Variants in CDYL observed in about 807,000 individuals in gnomAD.
The protein encoded by CDYL is chromodomain Y-like protein.
Under a neutral mutation model 47.3 loss-of-function variants are expected in CDYL, and 8 were observed. The ratio of observed to expected loss-of-function variants is 0.17; its 90% CI spans 0.10 to 0.31. The LOEUF (loss-of-function observed/expected upper bound fraction) is 0.31, where lower values mean the gene tolerates loss of function less well. CDYL is among the 10% of genes least tolerant of loss of function. CDYL has a pLI of 1.00. For synonymous variants in CDYL, 266 were observed against 265.0 expected, an observed-to-expected ratio of 1.00 and a Z score of -0.04; for missense variants, 471 against 701.4, an observed-to-expected ratio of 0.67 and a Z score of 3.71.
intron 1 of CDYL, among the ~76,000 whole-genome samples, chr6:4,785,618 T>C (rs1316973043): frequency 6.6e-6 from 1 of 152,216 alleles, no homozygotes; most frequent in Non-Finnish European, 1.5e-5. Context: ...GTAACTAATG[T>C]GGATATCCCA....
At chr6:4,792,049 ATT>A (rs768229405) in intron 1 of CDYL, among the ~76,000 whole-genome samples, 15 of 137,616 alleles carry the variant, frequency 1.1e-4, no homozygotes, top group Non-Finnish European at 1.4e-4. Context: ...CGCCCGGCTA[ATT>A]TTTTTTTTTT....
intron 1 of CDYL, among the ~76,000 whole-genome samples, chr6:4,794,267 G>A (rs1759009196): frequency 6.6e-6 from 1 of 152,094 alleles, no homozygotes; most frequent in South Asian, 2.1e-4. Flanking sequence ...GAGAGATAGT[G>A]GTGCACTGGA....
At chr6:4,723,978 T>A (rs1300921824) in intron 2 of CDYL, among the ~76,000 whole-genome samples, 3 of 152,192 alleles carry the variant, frequency 2.0e-5, no homozygotes, top group South Asian at 2.1e-4. Flanking sequence ...GATTTATGTA[T>A]CCGTGAAATT....
At position 4,710,379 on chromosome 6, in the gene CDYL, G is replaced by GGGAAGGAA. The variant is rs371019380; in HGVS notation, c.-39+4145_-39+4152dup. ...AGGGAGGGAAGGAGGGAGGGAGGGA[G>GGGAAGGAA]GGAAGGAAGGAAGGAAGGAAGGAAA... is the stretch of plus-strand genomic sequence containing the variant. On this transcript the variant is annotated intron_variant, in intron 1 of 8. Coordinates refer to the CDYL transcript ENST00000328908. 6.8e-3 allele frequency among the ~76,000 whole-genome samples: 689 copies of GGGAAGGAA among 101,262 alleles called. 23 individuals are homozygous for GGGAAGGAA. Among genetic ancestry groups the GGGAAGGAA allele is most frequent in the African/African-American group, 0.016 (504 of 31,166 alleles). 66.4% of individuals were successfully genotyped at this position (101,262 alleles called of 152,430 possible).
At chr6:4,751,164 T>C (rs1757983654) in intron 3 of CDYL, among the ~76,000 whole-genome samples, 1 of 152,180 alleles carries the variant, frequency 6.6e-6, no homozygotes. Context: ...CAAAATACTC[T>C]TTTTAATGGT....
chr6:4,753,443 T>C (rs2127420601), intron 3 of CDYL, among the ~76,000 whole-genome samples: 1 of 152,268 alleles, frequency 6.6e-6, no homozygotes, highest in Admixed American at 6.5e-5. Flanking sequence ...TGCTGTTCAA[T>C]CCCTTAGCAA....
chr6:4,950,922 A>C (rs1581295704), intron 5 of CDYL, among the ~76,000 whole-genome samples: 3 of 116,724 alleles, frequency 2.6e-5, no homozygotes, highest in Non-Finnish European at 5.2e-5. Context: ...ACAGAAGGAG[A>C]CTCCGTCTCA....
intron 5 of CDYL, 120 bp downstream of exon 5, chr6:4,943,876 C>G (rs1758436073): frequency 1.4e-6 from 1 of 728,966 alleles, no homozygotes; most frequent in Non-Finnish European, 2.2e-6. Context: ...GACTTTCCAT[C>G]TTGTAATTCA....
intron 3 of CDYL, among the ~76,000 whole-genome samples, chr6:4,754,422 G>T (rs1210114181): frequency 6.6e-6 from 1 of 152,152 alleles, no homozygotes; most frequent in East Asian, 1.9e-4. Context: ...GGGTAAATAG[G>T]CACTTGATCT....
At chr6:4,939,989 G>A (rs1758315716) in intron 4 of CDYL, among the ~76,000 whole-genome samples, 1 of 149,602 alleles carries the variant, frequency 6.7e-6, no homozygotes, top group South Asian at 2.2e-4. Context: ...CTGGTGCCTC[G>A]CCGGGTGCAG....
At chr6:4,737,279 T>C (rs1295997949) in intron 3 of CDYL, among the ~76,000 whole-genome samples, 2 of 152,138 alleles carry the variant, frequency 1.3e-5, no homozygotes, top group African/African-American at 2.4e-5. Context: ...GGGAAATTGA[T>C]AGATTTCACT....
At chr6:4,938,790 C>A (rs1039251095) in intron 4 of CDYL, among the ~76,000 whole-genome samples, 2 of 152,156 alleles carry the variant, frequency 1.3e-5, no homozygotes, top group Admixed American at 6.5e-5. Flanking sequence ...TGAGATATTT[C>A]TATTTCCTTG....
At chr6:4,737,364 T>TGAAC (rs1554132931) in intron 3 of CDYL, among the ~76,000 whole-genome samples, 1 of 151,992 alleles carries the variant, frequency 6.6e-6, no homozygotes, top group Non-Finnish European at 1.5e-5. Flanking sequence ...CAACAAAAAT[T>TGAAC]AAAAGGGGCC....
At chr6:4,733,380 T>A (rs1561829597) in intron 2 of CDYL, 1 of 150,286 alleles carries the variant, frequency 6.7e-6, no homozygotes, top group East Asian at 2.0e-4. Flanking sequence ...TACATGTTTT[T>A]AAAAAAATGA....
intron 1 of CDYL, among the ~76,000 whole-genome samples, chr6:4,883,915 T>C (rs1423397193): frequency 2.0e-5 from 3 of 152,160 alleles, no homozygotes; most frequent in East Asian, 1.9e-4. Flanking sequence ...GTAGTCCTCA[T>C]AGAACAGTGG....
chr6:4,935,830 C>T (rs1287646413), intron 3 of CDYL, 59 bp downstream of exon 3: 31 of 1,600,458 alleles, frequency 1.9e-5, no homozygotes, highest in Non-Finnish European at 2.6e-5. Flanking sequence ...GATTTCCAGG[C>T]CTGCCTGGCT....
At chr6:4,953,825 A>G (rs1758785143) in intron 6 of CDYL, 73 bp from the exon 7 acceptor site, 1 of 1,419,178 alleles carries the variant, frequency 7.0e-7, no homozygotes. Flanking sequence ...TTGCCTCCGT[A>G]AATGTGGAGG....
Position 4,895,427 on chromosome 6 carries a change from A to ATG in CDYL, c.691+3049_691+3050insGT, listed in dbSNP as rs1762237466. 9.5e-5 allele frequency among the ~76,000 whole-genome samples: 4 copies of ATG among 42,162 alleles called. 2 individuals carry two copies. Among genetic ancestry groups the ATG allele is most frequent in the African/African-American group, 3.0e-4 (4 of 13,270 alleles). The allele number at this position is 42,162 out of a possible 152,430, so 27.7% of individuals were successfully genotyped here. A position where few individuals can be genotyped will look rare whatever the true frequency, so the allele number is the denominator to read the frequency against. Reference sequence around the variant, plus strand: ...TACATGTATACGTATATATGCATGTATACATGTATACGTATATATGCATAT... The same window carrying ATG: ...TACATGTATACGTATATATGCATGTATGTACATGTATACGTATATATGCATAT... On this transcript the variant is annotated intron_variant, in intron 2 of 6. Transcript: ENST00000397588.
chr6:4,825,753 G>A (rs531977428), intron 1 of CDYL, among the ~76,000 whole-genome samples: 1 of 151,820 alleles, frequency 6.6e-6, no homozygotes, highest in Admixed American at 6.6e-5. Context: ...CATTATTCAT[G>A]GATTCCATAT....
Sources: gnomAD v4.1 joint callset for allele counts (sites outside exome capture counted in the v4.1 genomes callset) on GRCh38, gnomAD v4.1.1 for gene constraint, MANE v1.5 for transcripts, NCBI Gene and HGNC (gene_info 2026-07-23, HGNC 2026-07-21) for gene names.